EBF1: variants seen among roughly 807,000 people sequenced by gnomAD.
EBF1 encodes the protein EBF transcription factor 1.
EBF1 carries 10 observed loss-of-function variants against 68.4 expected under a neutral mutation model. The observed-to-expected ratio is 0.15, with a 90% CI of 0.09 to 0.25. The LOEUF (loss-of-function observed/expected upper bound fraction) is 0.25. Ranked by LOEUF, EBF1 falls within the 10% of genes least tolerant of loss-of-function variation. The pLI, the probability that EBF1 is intolerant of heterozygous loss-of-function variation, is 1.00. For missense variants in EBF1, 509 were observed against 794.4 expected (o/e 0.64, Z 4.32); for synonymous variants, 298 against 299.8 (o/e 0.99, Z 0.06).
intron 6 of EBF1, among the ~76,000 whole-genome samples, chr5:158,991,296 C>G (rs1215542541): frequency 1.3e-5 from 2 of 152,112 alleles, no homozygotes; most frequent in Non-Finnish European, 1.5e-5. Context: ...GCCATTGTTT[C>G]ATGAATTTCA....
chr5:159,059,309 T>A (rs1011571998), intron 6 of EBF1, among the ~76,000 whole-genome samples: 3 of 152,148 alleles, frequency 2.0e-5, no homozygotes, highest in Non-Finnish European at 4.4e-5. Context: ...TTTGGGTATG[T>A]CATTATCAAT....
chr5:159,081,550 G>A (rs937833991), intron 5 of EBF1, among the ~76,000 whole-genome samples: 1 of 152,174 alleles, frequency 6.6e-6, no homozygotes, highest in African/African-American at 2.4e-5. Flanking sequence ...TGAGAGCCAG[G>A]GATGCTTCCC....
intron 10 of EBF1, among the ~76,000 whole-genome samples, chr5:158,738,168 T>C (rs1765604218): frequency 6.6e-6 from 1 of 152,218 alleles, no homozygotes; most frequent in South Asian, 2.1e-4. Flanking sequence ...TACAGGCTTA[T>C]ACCTATCTCT....
intron 6 of EBF1, among the ~76,000 whole-genome samples, chr5:159,017,592 G>A (rs1255029879): frequency 3.9e-5 from 6 of 152,114 alleles, no homozygotes; most frequent in Admixed American, 3.3e-4. Flanking sequence ...AAAACTATTG[G>A]CTTGTTTAAT....
At chr5:159,004,110 C>G (rs1005874476) in intron 6 of EBF1, among the ~76,000 whole-genome samples, 3 of 152,056 alleles carry the variant, frequency 2.0e-5, no homozygotes, top group African/African-American at 7.3e-5. Flanking sequence ...AACCCCGTCT[C>G]TACTAAAAAT....
At chr5:158,858,800 G>A (rs1284847424) in intron 6 of EBF1, among the ~76,000 whole-genome samples, 3 of 152,202 alleles carry the variant, frequency 2.0e-5, no homozygotes, top group African/African-American at 7.2e-5. Context: ...AGGAAAGGAA[G>A]AGGGGCTTGG....
At chr5:158,835,335 C>G (rs1367686727) in intron 7 of EBF1, among the ~76,000 whole-genome samples, 1 of 152,192 alleles carries the variant, frequency 6.6e-6, no homozygotes, top group Non-Finnish European at 1.5e-5. Context: ...AAACCCTTTA[C>G]AGGTTAAGTG....
chr5:158,808,924 G>T (rs1782091987), intron 8 of EBF1, among the ~76,000 whole-genome samples: 1 of 152,122 alleles, frequency 6.6e-6, no homozygotes, highest in Admixed American at 6.6e-5. Context: ...TCTTTTGCAT[G>T]AAGGTGTCTC....
At chr5:159,031,487 G>A (rs918470731) in intron 6 of EBF1, among the ~76,000 whole-genome samples, 4 of 151,872 alleles carry the variant, frequency 2.6e-5, no homozygotes, top group East Asian at 1.9e-4. Flanking sequence ...TTTCTTACAC[G>A]TATTTACTAG....
At chr5:158,897,096 A>G (rs1481546536) in intron 6 of EBF1, among the ~76,000 whole-genome samples, 1 of 152,062 alleles carries the variant, frequency 6.6e-6, no homozygotes, top group African/African-American at 2.4e-5. Flanking sequence ...CTCTCATTCT[A>G]TTATAAAGAC....
intron 8 of EBF1, among the ~76,000 whole-genome samples, chr5:158,806,696 A>G (rs1372172193): frequency 2.0e-5 from 3 of 152,192 alleles, no homozygotes; most frequent in Non-Finnish European, 4.4e-5. Context: ...TTTGTAAAAC[A>G]CATGTCTTAG....
intron 6 of EBF1, among the ~76,000 whole-genome samples, chr5:158,903,681 T>C (rs1803940051): frequency 6.6e-6 from 1 of 152,212 alleles, no homozygotes. Flanking sequence ...TTTAGCCACT[T>C]CTACAAATAG....
chr5:158,984,141 C>T (rs1758477409), intron 6 of EBF1, among the ~76,000 whole-genome samples: 1 of 152,132 alleles, frequency 6.6e-6, no homozygotes, highest in Non-Finnish European at 1.5e-5. Context: ...AAGTTTCCAG[C>T]TCCTCTAAAT....
chr5:158,760,929 T>C (rs1771299492), intron 10 of EBF1, among the ~76,000 whole-genome samples: 1 of 152,348 alleles, frequency 6.6e-6, no homozygotes, highest in South Asian at 2.1e-4. Context: ...TGTACTGACA[T>C]GTTTTTTGTT....
chr5:159,022,884 A>G (rs1766992616), intron 6 of EBF1, among the ~76,000 whole-genome samples: 1 of 152,178 alleles, frequency 6.6e-6, no homozygotes, highest in Non-Finnish European at 1.5e-5. Flanking sequence ...AAGAAGAAGT[A>G]CTCGAAGTTT....
chr5:159,030,319 T>C (rs1350831881), intron 6 of EBF1, among the ~76,000 whole-genome samples: 1 of 152,210 alleles, frequency 6.6e-6, no homozygotes, highest in African/African-American at 2.4e-5. Flanking sequence ...TTTTTTAATG[T>C]TTAAAAATAA....
At chr5:158,774,470 A>G (rs984223344) in intron 10 of EBF1, among the ~76,000 whole-genome samples, 15 of 152,180 alleles carry the variant, frequency 9.9e-5, no homozygotes, top group African/African-American at 3.4e-4. Context: ...TTTCAGCTCA[A>G]TAATATTTTT....
intron 6 of EBF1, among the ~76,000 whole-genome samples, chr5:158,962,461 T>C (rs1753209164): frequency 6.6e-6 from 1 of 152,142 alleles, no homozygotes; most frequent in Non-Finnish European, 1.5e-5. Flanking sequence ...ATGATCACAG[T>C]TGCCAGTTTG....
At chr5:158,966,511 G>C (rs1237761755) in intron 6 of EBF1, among the ~76,000 whole-genome samples, 1 of 152,106 alleles carries the variant, frequency 6.6e-6, no homozygotes, top group Non-Finnish European at 1.5e-5. Flanking sequence ...CAAAACCACT[G>C]AAAAATAGGC....
Sources: gnomAD v4.1 joint callset for allele counts (sites outside exome capture counted in the v4.1 genomes callset) on GRCh38, gnomAD v4.1.1 for gene constraint, MANE v1.5 for transcripts, NCBI Gene and HGNC (gene_info 2026-07-23, HGNC 2026-07-21) for gene names.